The following ADAMTS17 variants were observed in gnomAD, a reference collection of about 807,000 sequenced individuals.
The protein encoded by ADAMTS17 is ADAM metallopeptidase with thrombospondin type 1 motif 17.
In ADAMTS17, 113 loss-of-function variants were observed where a neutral mutation model predicts 141.5. The ratio of observed to expected loss-of-function variants is 0.80; its 90% CI spans 0.69 to 0.93. The LOEUF is 0.93. Among genes scored for constraint, ADAMTS17 ranks in the 40% least tolerant of loss-of-function variants. The pLI, the probability that ADAMTS17 is intolerant of heterozygous loss-of-function variation, is 0.00. For missense variants in ADAMTS17, 1,659 were observed against 1,517.9 expected (o/e 1.09, Z -1.54); for synonymous variants, 768 against 630.6 (o/e 1.22, Z -3.27).
In ADAMTS17 at chr15:99,997,766, T is replaced by C. The variant is rs903118054; in HGVS notation, c.2592-177A>G. Among the ~76,000 whole-genome samples, 5 of 152,230 alleles carry C rather than the reference T, an allele frequency of 3.3e-5. No individual in the cohort carries two copies. The highest frequency in any genetic ancestry group is 5.9e-5 in the Non-Finnish European group (4 of 68,044). ...AGAGTATCGGCACAGAGGGAGTGACTTGAGTGGTCCTCTGGTTGGATGGTC... is the reference window on the plus strand; with the variant it reads ...AGAGTATCGGCACAGAGGGAGTGACCTGAGTGGTCCTCTGGTTGGATGGTC... On this transcript the variant is annotated intron_variant, in intron 18 of 21. Coordinates refer to ENST00000268070, the MANE Select transcript of ADAMTS17 (RefSeq NM_139057.4). The surrounding 1 kb of genome is among the most constrained non-coding windows in gnomAD (Gnocchi z 4.7).
At chr15:100,035,141 C>A (rs2727183) in intron 18 of ADAMTS17, among the ~76,000 whole-genome samples, 7,111 of 152,232 alleles carry the variant, frequency 0.047, 349 homozygotes, top group African/African-American at 0.12. Flanking sequence ...AAGAGCAATA[C>A]CTTTGAACAG....
intron 7 of ADAMTS17, among the ~76,000 whole-genome samples, chr15:100,205,820 A>G (rs560128931): frequency 2.0e-5 from 3 of 152,358 alleles, no homozygotes; most frequent in South Asian, 2.1e-4. Context: ...CAAAGGCGGT[A>G]GAAAGGTGAG....
intron 13 of ADAMTS17, among the ~76,000 whole-genome samples, chr15:100,110,890 C>T (rs72770210): frequency 0.022 from 3,370 of 152,254 alleles, 52 homozygotes; most frequent in Middle Eastern, 0.041. Flanking sequence ...CGTGCTGTCT[C>T]GTGACTGGAG....
chr15:100,198,665 C>T lies in ADAMTS17; in HGVS notation c.1181+653G>A, dbSNP rs893286791. ...AACAACCCTCAGGCCACAGTTTGAG[C>T]GTCGTCTGGCTTTCTGCCGCTTGAG... On this transcript the variant is annotated intron_variant, in intron 8 of 21. Transcript: ENST00000268070. Among the ~76,000 whole-genome samples, 6 of 152,214 alleles carry T rather than the reference C, an allele frequency of 3.9e-5. No individual in the cohort carries two copies. The South Asian group carries it at 8.3e-4, about 21-fold the overall frequency.
chr15:100,061,608 C>T (rs34126396), intron 15 of ADAMTS17, among the ~76,000 whole-genome samples: 22,851 of 152,180 alleles, frequency 0.15, 2,321 homozygotes, highest in East Asian at 0.5. Flanking sequence ...AGGATTCTAA[C>T]ATCCTCTGTC....
At position 100,080,711 on chromosome 15, in the gene ADAMTS17, G is replaced by C. The variant is rs1179769492; in HGVS notation, c.2137+15645C>G. On this transcript the variant is annotated intron_variant, in intron 15 of 21. Transcript: ENST00000268070. ...CTTTTTTTGCTAAAAACATGTTTGT[G>C]CATGTATACACTTGTACTAAGAAAG... 2.0e-5 allele frequency among the ~76,000 whole-genome samples: 3 copies of C among 152,148 alleles called. No individual in the cohort carries two copies. The East Asian group carries it at 5.8e-4, about 29-fold the overall frequency.
At chr15:99,986,245 G>A (rs562468982) in intron 20 of ADAMTS17, among the ~76,000 whole-genome samples, 94 of 152,342 alleles carry the variant, frequency 6.2e-4, no homozygotes, top group Non-Finnish European at 1.2e-3. Flanking sequence ...ACCCTCTCGC[G>A]TGATACAAGG....
At chr15:100,272,441 T>C (rs1428079073) in intron 4 of ADAMTS17, among the ~76,000 whole-genome samples, 1 of 151,848 alleles carries the variant, frequency 6.6e-6, no homozygotes. Flanking sequence ...ATTTTATTCT[T>C]TTTGATGCTG....
chr15:100,024,174 C>T (rs1003827529), intron 18 of ADAMTS17, among the ~76,000 whole-genome samples: 1 of 152,154 alleles, frequency 6.6e-6, no homozygotes, highest in Non-Finnish European at 1.5e-5. Context: ...CTCAGTACAG[C>T]CTCGAACTCC....
In ADAMTS17 at chr15:100,048,878, T is replaced by C. The variant is rs772527649; in HGVS notation, c.2570A>G (p.Asn857Ser). ...SRPEPQVRRC[N>S]LHPCQSRWVA... ...TTACCGTGACTGGCAGGGGTGCAAG[T>C]TGCACCTTCGGACCTGGGGCTCTGG... Residue 857 changes from asparagine to serine, a missense_variant, in exon 18 of 22, where the codon AAC (asparagine) becomes AGC (serine). Asn to Ser is a conservative substitution (Grantham distance 46, BLOSUM62 1). Transcript: ENST00000268070. 1 of 1,614,158 alleles carries C rather than the reference T, an allele frequency of 6.2e-7. No homozygotes were observed. The highest frequency in any genetic ancestry group is 8.5e-7 in the Non-Finnish European group (1 of 1,180,016).
chr15:100,046,654 G>T (rs1044646114), intron 18 of ADAMTS17, among the ~76,000 whole-genome samples: 3 of 152,164 alleles, frequency 2.0e-5, no homozygotes, highest in Non-Finnish European at 2.9e-5. Context: ...TGTCTTTACT[G>T]TAATCTCTAA....
intron 4 of ADAMTS17, among the ~76,000 whole-genome samples, chr15:100,270,459 G>A (rs2043866779): frequency 6.6e-6 from 1 of 152,094 alleles, no homozygotes; most frequent in African/African-American, 2.4e-5. Context: ...CGTGGGATGT[G>A]CTTAGAATAC....
At chr15:100,278,733 C>A (rs556185756) in intron 4 of ADAMTS17, among the ~76,000 whole-genome samples, 1 of 152,308 alleles carries the variant, frequency 6.6e-6, no homozygotes, top group Admixed American at 6.5e-5. Flanking sequence ...GATTTGTCCT[C>A]CTAACAAGCA....
intron 18 of ADAMTS17, among the ~76,000 whole-genome samples, chr15:100,042,924 G>A (rs891423783): frequency 2.6e-5 from 4 of 152,150 alleles, no homozygotes; most frequent in African/African-American, 9.7e-5. Context: ...GGGAACTACT[G>A]TACATAATAC....
chr15:100,300,398 C>T (rs147900571), intron 3 of ADAMTS17, among the ~76,000 whole-genome samples: 2 of 152,142 alleles, frequency 1.3e-5, no homozygotes, highest in African/African-American at 4.8e-5. Flanking sequence ...CAGAGCAAAA[C>T]GACCTGCCCA....
intron 20 of ADAMTS17, among the ~76,000 whole-genome samples, chr15:99,991,404 A>G (rs2060687160): frequency 6.6e-6 from 1 of 152,264 alleles, no homozygotes; most frequent in Non-Finnish European, 1.5e-5. Context: ...TATGCAGCCA[A>G]TAAACATATG....
At chr15:100,160,167 G>A (rs2039625264) in intron 8 of ADAMTS17, among the ~76,000 whole-genome samples, 1 of 152,046 alleles carries the variant, frequency 6.6e-6, no homozygotes, top group African/African-American at 2.4e-5. Flanking sequence ...AGTCCCTTAA[G>A]AAAACAACTC....
chr15:100,059,596 C>T (rs945283637), intron 15 of ADAMTS17, among the ~76,000 whole-genome samples: 25 of 152,172 alleles, frequency 1.6e-4, no homozygotes, highest in Non-Finnish European at 1.5e-4. Flanking sequence ...AGATGTCAGC[C>T]TCAGAGATTC....
Position 100,241,251 on chromosome 15 carries a change from G to T in ADAMTS17, c.1075+12885C>A, listed in dbSNP as rs147991401. 5.4e-3 allele frequency among the ~76,000 whole-genome samples: 826 copies of T among 152,284 alleles called. 4 individuals carry two copies. Among genetic ancestry groups the T allele is most frequent in the African/African-American group, 0.018 (765 of 41,552 alleles). On this transcript the variant is annotated intron_variant, in intron 7 of 21. Coordinates refer to ENST00000268070, the MANE Select transcript of ADAMTS17 (RefSeq NM_139057.4). ...TCCAAGACTACTTTTTAATTCTTCA[G>T]TAAAAATCACTCAAGATTCTGGCTC...
Sources: gnomAD v4.1 joint callset for allele counts (sites outside exome capture counted in the v4.1 genomes callset) on GRCh38, gnomAD v4.1.1 for gene constraint, Gnocchi (gnomAD v3.1) non-coding constraint, MANE v1.5 for transcripts, NCBI Gene and HGNC (gene_info 2026-07-23, HGNC 2026-07-21) for gene names.